RGSL1: variants seen among roughly 807,000 people sequenced by gnomAD.
RGSL1 encodes regulator of G protein signaling like 1.
RGSL1 carries 97 observed loss-of-function variants against 124.7 expected under a neutral mutation model. The ratio of observed to expected loss-of-function variants is 0.78; its 90% CI spans 0.66 to 0.92. The LOEUF is 0.92. Ranked by LOEUF, RGSL1 falls within the 40% of genes least tolerant of loss-of-function variation. The pLI, the probability that RGSL1 is intolerant of heterozygous loss-of-function variation, is 0.00. For synonymous variants in RGSL1, 424 were observed against 438.1 expected, an observed-to-expected ratio of 0.97 and a Z score of 0.40; for missense variants, 1,233 against 1,288.4, an observed-to-expected ratio of 0.96 and a Z score of 0.66.
At chr1:182,482,762 C>G (rs997406649) in intron 6 of RGSL1, among the ~76,000 whole-genome samples, 2 of 152,174 alleles carry the variant, frequency 1.3e-5, no homozygotes, top group African/African-American at 4.8e-5. Context: ...AGCAATCCCA[C>G]TTCTGGGGAT....
intron 1 of RGSL1, among the ~76,000 whole-genome samples, chr1:182,452,689 G>T (rs912889081): frequency 6.6e-6 from 1 of 152,166 alleles, no homozygotes; most frequent in African/African-American, 2.4e-5. Flanking sequence ...CTGGCCTCAA[G>T]CAATCCACCA....
Position 182,527,748 on chromosome 1 carries a change from T to A in RGSL1, c.2101T>A (p.Phe701Ile). 6.4e-7 allele frequency: 1 copy of A among 1,550,738 alleles called. No homozygotes were observed. The highest frequency in any genetic ancestry group is 8.7e-7 in the Non-Finnish European group (1 of 1,146,476). Residue 701 changes from phenylalanine to isoleucine, a missense_variant, in exon 11 of 22, where the codon TTC (phenylalanine) becomes ATC (isoleucine). Coordinates refer to ENST00000294854, the MANE Select transcript of RGSL1 (RefSeq NM_001137669.2). ...TCTCATAGAAAATGTAATCAAGACTTTCTTCCAAGGCCAACTCTCTCCTGG... is the reference window on the plus strand; with the variant it reads ...TCTCATAGAAAATGTAATCAAGACTATCTTCCAAGGCCAACTCTCTCCTGG... ...KSLIENVIKTFFQGQLSPEEM... is the reference protein window; with the variant it reads ...KSLIENVIKTIFQGQLSPEEM...
chr1:182,526,714 T>C (rs1466695484), intron 10 of RGSL1, among the ~76,000 whole-genome samples: 1 of 151,970 alleles, frequency 6.6e-6, no homozygotes, highest in Non-Finnish European at 1.5e-5. Context: ...ACCATGTTAA[T>C]AAAATAAGGG....
At chr1:182,479,954 C>T (rs926778450) in intron 6 of RGSL1, among the ~76,000 whole-genome samples, 2 of 152,192 alleles carry the variant, frequency 1.3e-5, no homozygotes, top group African/African-American at 4.8e-5. Context: ...AATACATACG[C>T]ACCCAACATC....
Position 182,452,952 on chromosome 1 carries a change from C to A in RGSL1, c.14-1006C>A, listed in dbSNP as rs266497. 1.6e-3 allele frequency among the ~76,000 whole-genome samples: 249 copies of A among 152,268 alleles called. 1 individual carries two copies. The highest frequency in any genetic ancestry group is 5.7e-3 in the African/African-American group (236 of 41,562). On this transcript the variant is annotated intron_variant, in intron 1 of 21. Transcript: ENST00000294854. ...CCATTTTTCAGTCTTTCATTATGAA[C>A]TTTGGGTATGACTGAGTGATGGTGG...
intron 9 of RGSL1, among the ~76,000 whole-genome samples, chr1:182,517,706 C>T (rs1658005069): frequency 6.6e-6 from 1 of 152,050 alleles, no homozygotes; most frequent in Non-Finnish European, 1.5e-5. Context: ...TTTCTAAGTT[C>T]CAAGATTTCT....
intron 9 of RGSL1, among the ~76,000 whole-genome samples, chr1:182,507,545 G>A (rs984751688): frequency 2.0e-5 from 3 of 152,076 alleles, no homozygotes; most frequent in African/African-American, 7.2e-5. Context: ...TCATGTTGCT[G>A]CAAAAGACAG....
chr1:182,540,040 TTG>T (rs1444112963), intron 14 of RGSL1, among the ~76,000 whole-genome samples: 1 of 152,216 alleles, frequency 6.6e-6, no homozygotes, highest in East Asian at 1.9e-4. Flanking sequence ...CTCAGTTGAC[TTG>T]TGTTTTATGT....
chr1:182,499,072 C>T (rs966948350), intron 9 of RGSL1, among the ~76,000 whole-genome samples: 7 of 152,292 alleles, frequency 4.6e-5, no homozygotes, highest in African/African-American at 1.7e-4. Context: ...GGATTACAGG[C>T]GCGAGCCCCG....
At chr1:182,508,135 C>T (rs760784083) in intron 9 of RGSL1, among the ~76,000 whole-genome samples, 20 of 152,224 alleles carry the variant, frequency 1.3e-4, no homozygotes, top group African/African-American at 4.8e-4. Flanking sequence ...TACTAATTTA[C>T]ATTCCTACCG....
In RGSL1 at chr1:182,458,325, G is replaced by T; in HGVS notation, c.103G>T (p.Gly35Cys). The change falls in exon 3 of 22, where the codon GGT becomes TGT. Residue 35 changes from glycine (G) to cysteine (C), a missense_variant. Transcript: ENST00000294854. ...TCCTAGCTTTGTTTTGCAGGTTTTT[G>T]GTCAGACACCATTTTATACTGTTGA... is the stretch of plus-strand genomic sequence containing the variant. Reference protein sequence around the residue: ...FNTFLSLPVFGQTPFYTVENS... With the variant: ...FNTFLSLPVFCQTPFYTVENS... 1.9e-6 allele frequency: 3 copies of T among 1,551,748 alleles called. No individual in the cohort carries two copies. The highest frequency in any genetic ancestry group is 2.6e-6 in the Non-Finnish European group (3 of 1,146,818).
chr1:182,458,589 C>T (rs1046958345), intron 3 of RGSL1, among the ~76,000 whole-genome samples, 196 bp downstream of exon 3: 2 of 152,172 alleles, frequency 1.3e-5, no homozygotes, highest in Admixed American at 6.5e-5. Context: ...CCCACCTAAG[C>T]CTCCCAAATA....
intron 18 of RGSL1, among the ~76,000 whole-genome samples, chr1:182,552,362 C>A (rs767318312): frequency 6.6e-6 from 1 of 152,114 alleles, no homozygotes; most frequent in Admixed American, 6.5e-5. Flanking sequence ...GATCCACCCC[C>A]CTCAGTGTCC....
Position 182,530,898 on chromosome 1 carries a change from A to C in RGSL1, c.2352A>C (p.Leu784=), listed in dbSNP as rs1425838868. The C allele has an allele frequency of 1.3e-6, 2 of 1,548,544 alleles. No individual in the cohort carries two copies. Among genetic ancestry groups the C allele is most frequent in the Non-Finnish European group, 1.7e-6 (2 of 1,145,570 alleles). ...CCTCAAAGATAGTGTCAACTTACCT[A>C]CAGGAATCCCAGGTTAGTGAAGAAG... ...RKPSKIVSTY[L]QESQKKGWMR... Residue 784 remains leucine (L), a synonymous_variant, in exon 13 of 22, where the codon CTA becomes CTC. Coordinates refer to ENST00000294854, the MANE Select transcript of RGSL1 (RefSeq NM_001137669.2).
Position 182,474,198 on chromosome 1 carries a change from CA to C in RGSL1, c.1090del (p.Ser364AlafsTer4), listed in dbSNP as rs1274987083. On this transcript the variant is annotated frameshift_variant, in exon 6 of 22. Transcript: ENST00000294854. LOFTEE classifies it high-confidence loss of function. ...SKMTIQKAIKQSFSLGYIHLA... is the reference protein window; with the variant it reads ...SKMTIQKAIKXSFSLGYIHLA... ...GATGACAATTCAGAAGGCCATCAAGCAAAGCTTCTCCTTAGGATACATCCAC... is the reference window on the plus strand; with the variant it reads ...GATGACAATTCAGAAGGCCATCAAGCAAGCTTCTCCTTAGGATACATCCAC... 16 of 1,552,032 alleles carry C rather than the reference CA, an allele frequency of 1.0e-5. No individual in the cohort carries two copies. In the Admixed American group the frequency reaches 2.9e-4, roughly 29 times the overall value.
Position 182,553,549 on chromosome 1 carries a change from G to A in RGSL1, c.3130+8G>A, listed in dbSNP as rs770765240. 7.7e-6 allele frequency: 12 copies of A among 1,551,052 alleles called. No individual in the cohort carries two copies. In the South Asian group the frequency reaches 8.3e-5, roughly 11 times the overall value. ...TAAGTTCAGTTCAAAATTGTGAGTT[G>A]GAATTGGATCCCCACTGATAGTTTG... On this transcript the variant is annotated splice_region_variant and intron_variant, in intron 19 of 21. Coordinates refer to ENST00000294854, the MANE Select transcript of RGSL1 (RefSeq NM_001137669.2).
chr1:182,519,727 A>G (rs1425395622), intron 9 of RGSL1, among the ~76,000 whole-genome samples: 1 of 151,894 alleles, frequency 6.6e-6, no homozygotes, highest in African/African-American at 2.4e-5. Flanking sequence ...TATATTTCGT[A>G]TACTTTTTTC....
chr1:182,559,759 G>A (rs1245196260), intron 21 of RGSL1, among the ~76,000 whole-genome samples: 1 of 152,068 alleles, frequency 6.6e-6, no homozygotes, highest in East Asian at 1.9e-4. Flanking sequence ...CTTGGTGATT[G>A]CCTAAAGGGC....
chr1:182,525,272 A>T (rs1317200495), intron 10 of RGSL1, among the ~76,000 whole-genome samples: 1 of 152,182 alleles, frequency 6.6e-6, no homozygotes, highest in East Asian at 1.9e-4. Flanking sequence ...AGTATGGTCC[A>T]TCCACAGGGA....
Sources: allele counts gnomAD v4.1 joint callset (sites outside exome capture counted in the v4.1 genomes callset), GRCh38; gene constraint gnomAD v4.1.1; transcripts MANE v1.5; gene names NCBI Gene and HGNC (gene_info 2026-07-23, HGNC 2026-07-21).